The following TM2D1 variants were observed in gnomAD, a reference collection of about 807,000 sequenced individuals.
TM2D1 encodes TM2 domain containing 1.
In TM2D1, 15 loss-of-function variants were observed where a neutral mutation model predicts 28.4. The ratio of observed to expected loss-of-function variants is 0.53; its 90% CI spans 0.35 to 0.81. TM2D1 has a LOEUF of 0.81. Ranked by LOEUF, TM2D1 falls within the 40% of genes least tolerant of loss-of-function variation. TM2D1 has a pLI of 0.01. For missense variants in TM2D1, 236 were observed against 254.9 expected (o/e 0.93, Z 0.50); for synonymous variants, 93 against 96.2 (o/e 0.97, Z 0.20).
chr1:61,698,361 A>C (rs1464117124), intron 4 of TM2D1: 5 of 152,306 alleles, frequency 3.3e-5, no homozygotes, highest in African/African-American at 1.2e-4. Flanking sequence ...GGAGTTCGAG[A>C]CCAGCCTGAC....
intron 3 of TM2D1, among the ~76,000 whole-genome samples, chr1:61,703,817 C>A (rs1400848528): frequency 6.8e-6 from 1 of 146,362 alleles, no homozygotes; most frequent in Non-Finnish European, 1.5e-5. Context: ...AGTGCAATGG[C>A]ACAATCTCGG....
chr1:61,695,064 T>C (rs1644354105), intron 4 of TM2D1, among the ~76,000 whole-genome samples: 1 of 152,102 alleles, frequency 6.6e-6, no homozygotes. Context: ...CCTAAGGAAA[T>C]AATCCTTAAA....
intron 1 of TM2D1, 88 bp downstream of exon 1, chr1:61,724,869 C>T: frequency 7.3e-7 from 1 of 1,374,722 alleles, no homozygotes; most frequent in Non-Finnish European, 9.8e-7. Flanking sequence ...TCACTCAGTA[C>T]AGCCCTAGCC....
At chr1:61,724,797 A>T in intron 1 of TM2D1, 160 bp downstream of exon 1, 1 of 812,068 alleles carries the variant, frequency 1.2e-6, no homozygotes, top group Non-Finnish European at 1.8e-6. Flanking sequence ...TCCCATCTCC[A>T]CAACTCTGTT....
At chr1:61,692,298 G>A (rs971359500) in intron 5 of TM2D1, among the ~76,000 whole-genome samples, 5 of 151,920 alleles carry the variant, frequency 3.3e-5, no homozygotes, top group Non-Finnish European at 5.9e-5. Flanking sequence ...ACTTTGTATT[G>A]TTTCTGTTCA....
At chr1:61,721,149 T>A (rs1488818695) in intron 2 of TM2D1, among the ~76,000 whole-genome samples, 1 of 152,084 alleles carries the variant, frequency 6.6e-6, no homozygotes, top group Non-Finnish European at 1.5e-5. Context: ...GAGGATCTCC[T>A]GAGCCTGGGA....
At chr1:61,714,667 G>A (rs963130352) in intron 2 of TM2D1, among the ~76,000 whole-genome samples, 4 of 152,188 alleles carry the variant, frequency 2.6e-5, no homozygotes, top group East Asian at 3.9e-4. Flanking sequence ...AGACCCTCCC[G>A]CCTCAGTCTC....
intron 5 of TM2D1, among the ~76,000 whole-genome samples, chr1:61,693,978 G>A (rs887857264): frequency 1.3e-5 from 2 of 152,102 alleles, no homozygotes; most frequent in Non-Finnish European, 2.9e-5. Flanking sequence ...AATGTTTAAG[G>A]ACAGCATTTC....
At position 61,697,203 on chromosome 1, in the gene TM2D1, G is replaced by A. The variant is rs1373951074; in HGVS notation, c.440-2433C>T. ...AGATGGACCATAGTTAACATCACAC[G>A]TTTGGAGTAAGATATGCTGTAAGTC... is the stretch of plus-strand genomic sequence containing the variant. On this transcript the variant is annotated intron_variant, in intron 4 of 6. Coordinates refer to ENST00000606498, the MANE Select transcript of TM2D1 (RefSeq NM_032027.3). Among the ~76,000 whole-genome samples the A allele has an allele frequency of 9.2e-5, 14 of 152,032 alleles. No homozygotes were observed. The East Asian group carries it at 1.7e-3, about 19-fold the overall frequency.
intron 4 of TM2D1, chr1:61,697,518 A>G (rs1427949465): frequency 6.7e-6 from 1 of 150,048 alleles, no homozygotes; most frequent in East Asian, 2.0e-4. Flanking sequence ...TGATTTTTTA[A>G]AACAGCTTTA....
chr1:61,691,956 T>C (rs982855627), intron 5 of TM2D1, among the ~76,000 whole-genome samples: 4 of 136,336 alleles, frequency 2.9e-5, no homozygotes, highest in Non-Finnish European at 6.3e-5. Flanking sequence ...TATATATATA[T>C]ATATGTATAT....
chr1:61,692,496 AAGAAAG>A (rs1244487145), intron 5 of TM2D1, among the ~76,000 whole-genome samples: 6 of 152,008 alleles, frequency 3.9e-5, no homozygotes, highest in Admixed American at 2.0e-4. Flanking sequence ...AAGAAAGAAA[AAGAAAG>A]AGAAAGAGAA....
At position 61,724,951 on chromosome 1, in the gene TM2D1, G is replaced by A; in HGVS notation, c.164+6C>T. 6.3e-7 allele frequency: 1 copy of A among 1,593,824 alleles called. No homozygotes were observed. Among genetic ancestry groups the A allele is most frequent in the Non-Finnish European group, 8.6e-7 (1 of 1,166,082 alleles). On this transcript the variant is annotated splice_donor_region_variant and intron_variant, in intron 1 of 6. Coordinates refer to ENST00000606498, the MANE Select transcript of TM2D1 (RefSeq NM_032027.3). Reference sequence around the variant, plus strand: ...TCCATGGGGGGGTGTTCTCCACAGAGGATATTGTCCCACTTTGAGGTCCTC... The same window carrying A: ...TCCATGGGGGGGTGTTCTCCACAGAAGATATTGTCCCACTTTGAGGTCCTC...
chr1:61,681,077 A>G lies in TM2D1; in HGVS notation c.*293T>C, dbSNP rs1028607700. On this transcript the variant is annotated 3_prime_UTR_variant, in exon 7 of 7. Transcript: ENST00000606498. Reference sequence around the variant, plus strand: ...TAAGTTATACTTTTATTTTTCAGAAACAAAAATGACAAGTGGCAACTTGCC... The same window carrying G: ...TAAGTTATACTTTTATTTTTCAGAAGCAAAAATGACAAGTGGCAACTTGCC... The G allele has an allele frequency of 2.0e-5, 3 of 153,776 alleles. No individual in the cohort carries two copies. The highest frequency in any genetic ancestry group is 4.4e-5 in the Non-Finnish European group (3 of 68,046). 9.5% of individuals were successfully genotyped at this position (153,776 alleles called of 1,614,324 possible).
At chr1:61,707,571 C>T (rs991345465) in intron 3 of TM2D1, among the ~76,000 whole-genome samples, 2 of 151,962 alleles carry the variant, frequency 1.3e-5, no homozygotes, top group Non-Finnish European at 2.9e-5. Context: ...AAACTTACCC[C>T]TGTAATGGAA....
intron 2 of TM2D1, among the ~76,000 whole-genome samples, chr1:61,712,672 A>C (rs1181629467): frequency 1.3e-5 from 2 of 152,060 alleles, no homozygotes; most frequent in African/African-American, 4.8e-5. Flanking sequence ...CAGTCTCCCA[A>C]AGTGCTGGGA....
At chr1:61,689,114 T>G (rs1224593410) in intron 5 of TM2D1, among the ~76,000 whole-genome samples, 2 of 152,232 alleles carry the variant, frequency 1.3e-5, no homozygotes, top group African/African-American at 4.8e-5. Context: ...GTATACCACC[T>G]TTCCAGCATT....
At chr1:61,701,214 T>A (rs989670846) in intron 3 of TM2D1, among the ~76,000 whole-genome samples, 189 bp from the exon 4 acceptor site, 1 of 148,034 alleles carries the variant, frequency 6.8e-6, no homozygotes, top group Non-Finnish European at 1.5e-5. Flanking sequence ...AAGATCCCTA[T>A]CCCCGTGTAG....
intron 3 of TM2D1, among the ~76,000 whole-genome samples, chr1:61,701,324 A>AAC (rs1644399752): frequency 2.1e-5 from 3 of 143,568 alleles, no homozygotes; most frequent in Admixed American, 2.0e-4. Flanking sequence ...AAAAAAAAAA[A>AAC]AAAAAAAAAA....
Sources: gnomAD v4.1 joint callset for allele counts (sites outside exome capture counted in the v4.1 genomes callset) on GRCh38, gnomAD v4.1.1 for gene constraint, MANE v1.5 for transcripts, NCBI Gene and HGNC (gene_info 2026-07-23, HGNC 2026-07-21) for gene names.